The following NEK5 variants were observed in gnomAD, a reference collection of about 807,000 sequenced individuals.
The protein encoded by NEK5 is serine/threonine-protein kinase Nek5.
Under a neutral mutation model 109.2 loss-of-function variants are expected in NEK5, and 88 were observed. That is an observed-to-expected ratio of 0.81 (90% CI 0.68 to 0.96). The LOEUF is 0.96. Ranked by LOEUF, NEK5 falls within the 40% of genes least tolerant of loss-of-function variation. NEK5 has a pLI of 0.00. For missense variants in NEK5, 834 were observed against 920.7 expected (o/e 0.91, Z 1.22); for synonymous variants, 283 against 299.9 (o/e 0.94, Z 0.58).
At chr13:52,092,983 C>G (rs1037168610) in intron 13 of NEK5, 71 bp downstream of exon 13, 24 of 1,048,280 alleles carry the variant, frequency 2.3e-5, no homozygotes, top group Non-Finnish European at 3.3e-5. Context: ...ATTTGGATTT[C>G]AGAATAATAA....
At chr13:52,098,177 G>A (rs1955457487) in intron 12 of NEK5, among the ~76,000 whole-genome samples, 1 of 152,008 alleles carries the variant, frequency 6.6e-6, no homozygotes, top group Non-Finnish European at 1.5e-5. Context: ...ATAGTAGTAT[G>A]AGAACAGACT....
chr13:52,051,750 C>T (rs1379513706), intron 22 of NEK5, among the ~76,000 whole-genome samples: 1 of 152,130 alleles, frequency 6.6e-6, no homozygotes, highest in East Asian at 1.9e-4. Flanking sequence ...CCATTTTATT[C>T]CTAAATAAGA....
chr13:52,122,172 A>C (rs1955984530), intron 3 of NEK5, among the ~76,000 whole-genome samples: 1 of 152,202 alleles, frequency 6.6e-6, no homozygotes, highest in Non-Finnish European at 1.5e-5. Flanking sequence ...ACTTAGATGG[A>C]TCTGCTGATT....
intron 20 of NEK5, among the ~76,000 whole-genome samples, chr13:52,068,490 C>T (rs2137779192): frequency 6.6e-6 from 1 of 151,956 alleles, no homozygotes; most frequent in African/African-American, 2.4e-5. Flanking sequence ...CACACACACA[C>T]ACACACTCAT....
chr13:52,078,595 T>TTA (rs1364711288), intron 17 of NEK5, among the ~76,000 whole-genome samples: 1 of 151,872 alleles, frequency 6.6e-6, no homozygotes, highest in Non-Finnish European at 1.5e-5. Context: ...TAAAACTGTT[T>TTA]TTTTTTTTAA....
chr13:52,069,148 C>A (rs1161436110), intron 20 of NEK5, among the ~76,000 whole-genome samples: 2 of 151,826 alleles, frequency 1.3e-5, no homozygotes, highest in Non-Finnish European at 2.9e-5. Flanking sequence ...AAACAGCCAA[C>A]CCCCTCTGCT....
chr13:52,080,590 A>G (rs1469087671), intron 17 of NEK5, among the ~76,000 whole-genome samples: 1 of 151,994 alleles, frequency 6.6e-6, no homozygotes, highest in African/African-American at 2.4e-5. Flanking sequence ...CTGTGACCTT[A>G]CCCCCAACCC....
At chr13:52,048,149 AAC>A (rs1954474672) in intron 23 of NEK5, among the ~76,000 whole-genome samples, 2 of 152,252 alleles carry the variant, frequency 1.3e-5, no homozygotes, top group South Asian at 4.1e-4. Flanking sequence ...AAATGCTCCC[AAC>A]ACACAGAAAC....
At chr13:52,123,388 A>G (rs1956007197) in intron 3 of NEK5, among the ~76,000 whole-genome samples, 1 of 152,232 alleles carries the variant, frequency 6.6e-6, no homozygotes. Flanking sequence ...TCAATTTTTG[A>G]TTATACTAAA....
chr13:52,086,438 C>A, intron 15 of NEK5, 75 bp from the exon 16 acceptor site: 1 of 904,428 alleles, frequency 1.1e-6, no homozygotes, highest in Non-Finnish European at 1.8e-6. Context: ...CTGCAGCCTA[C>A]AATTTCAAAA....
At chr13:52,095,762 G>A (rs1415644161) in intron 12 of NEK5, among the ~76,000 whole-genome samples, 4 of 152,178 alleles carry the variant, frequency 2.6e-5, no homozygotes, top group Admixed American at 2.0e-4. Context: ...GGTGCATACC[G>A]GTAGTATAGC....
intron 15 of NEK5, 123 bp from the exon 16 acceptor site, chr13:52,086,486 T>C (rs1466592809): frequency 3.0e-6 from 2 of 672,446 alleles, no homozygotes; most frequent in Non-Finnish European, 5.2e-6. Context: ...AATATGTTGC[T>C]CCTAAAGATG....
At chr13:52,070,904 A>T (rs1055588792) in intron 20 of NEK5, among the ~76,000 whole-genome samples, 3 of 152,238 alleles carry the variant, frequency 2.0e-5, no homozygotes, top group Admixed American at 6.5e-5. Flanking sequence ...CCTCACAATT[A>T]CCCTGTGTGG....
At chr13:52,059,505 G>A (rs1416412511) in intron 22 of NEK5, among the ~76,000 whole-genome samples, 4 of 145,068 alleles carry the variant, frequency 2.8e-5, no homozygotes, top group African/African-American at 7.7e-5. Context: ...AGATGCACAC[G>A]TATGTTTATT....
At chr13:52,081,880 T>C (rs889335523) in intron 17 of NEK5, among the ~76,000 whole-genome samples, 2 of 152,242 alleles carry the variant, frequency 1.3e-5, no homozygotes, top group African/African-American at 4.8e-5. Context: ...CGTGTTTTTA[T>C]GGAATGTGAC....
intron 4 of NEK5, among the ~76,000 whole-genome samples, chr13:52,115,601 C>CAAAA (rs71088014): frequency 2.6e-4 from 13 of 49,220 alleles, no homozygotes; most frequent in African/African-American, 8.2e-4. Context: ...GAGACTCCGT[C>CAAAA]AAAAAAAAAA....
At position 52,087,407 on chromosome 13, in the gene NEK5, C is replaced by A. The variant is rs755074537; in HGVS notation, c.1323G>T (p.Glu441Asp). 9.3e-6 allele frequency: 15 copies of A among 1,612,142 alleles called. No homozygotes were observed. Among genetic ancestry groups the A allele is most frequent in the Non-Finnish European group, 2.5e-6 (3 of 1,178,678 alleles). Residue 441 changes from glutamate to aspartate, a missense_variant, in exon 15 of 24, where the codon GAG becomes GAT. By Grantham distance (45) the Glu-to-Asp change is conservative (BLOSUM62 2). This residue lies in a region of NEK5 where 777 missense variants were observed against 824.7 expected (regional missense o/e 0.94). Transcript: ENST00000684899. Reference protein sequence around the residue: ...SAEPNYNQRQELRSNGEEPRF... With the variant: ...SAEPNYNQRQDLRSNGEEPRF... ...TAGGCTCTTCTCCATTACTTCTTAG[C>A]TCTTGTCTCTGGTTGTAATTTGGCT...
intron 17 of NEK5, among the ~76,000 whole-genome samples, chr13:52,080,578 A>C (rs572040751): frequency 7.2e-4 from 110 of 152,286 alleles, no homozygotes; most frequent in African/African-American, 2.6e-3. Context: ...GATCCTGTTG[A>C]TCTGTGACCT....
At chr13:52,084,754 A>T (rs1308953854) in intron 16 of NEK5, among the ~76,000 whole-genome samples, 46 of 51,522 alleles carry the variant, frequency 8.9e-4, no homozygotes, top group African/African-American at 1.9e-3. Flanking sequence ...AGAGAGAGAG[A>T]GAGAGAGAGT....
Sources: gnomAD v4.1 joint callset for allele counts (sites outside exome capture counted in the v4.1 genomes callset) on GRCh38, gnomAD v4.1.1 for gene constraint, gnomAD v4.1.1 regional missense constraint, MANE v1.5 for transcripts, NCBI Gene and HGNC (gene_info 2026-07-23, HGNC 2026-07-21) for gene names.